NHS: variants seen among roughly 807,000 people sequenced by gnomAD.
NHS encodes the protein NHS actin remodeling regulator.
A neutral mutation model predicts 72.5 loss-of-function variants in NHS; 5 were observed. The observed-to-expected ratio is 0.07, with a 90% CI of 0.04 to 0.14. The LOEUF is 0.14. Among genes scored for constraint, NHS ranks in the 10% least tolerant of loss-of-function variants. The pLI is 1.00. For synonymous variants in NHS, 464 were observed against 547.7 expected (o/e 0.85, Z 2.13); for missense variants, 1,072 against 1,355.7 (o/e 0.79, Z 3.29).
In NHS at chrX:17,727,281, A is replaced by G. The variant is rs1405545432; in HGVS notation, c.3175A>G (p.Arg1059Gly). 3.3e-6 allele frequency: 4 copies of G among 1,211,965 alleles called. No homozygotes were observed. The highest frequency in any genetic ancestry group is 4.5e-6 in the Non-Finnish European group (4 of 895,389). The change falls in exon 7 of 9, where the codon AGA becomes GGA. Residue 1059 changes from arginine (R) to glycine (G), a missense_variant. By Grantham distance (125) the Arg-to-Gly change is moderately radical. Transcript: ENST00000676302. Reference sequence around the variant, plus strand: ...CAAAAGAAAACCTAAAGTCCCAGAAAGAAAATCCTCACTACAGCAACCCTC... The same window carrying G: ...CAAAAGAAAACCTAAAGTCCCAGAAGGAAAATCCTCACTACAGCAACCCTC... ...GSKRKPKVPE[R>G]KSSLQQPSLK... is the part of the protein sequence containing the mutation.
chrX:17,464,602 G>A (rs2064863097), intron 1 of NHS, among the ~76,000 whole-genome samples: 2 of 112,505 alleles, frequency 1.8e-5, no homozygotes, highest in Admixed American at 9.3e-5. Context: ...GATAACAGAG[G>A]GAAAATGAAG....
intron 1 of NHS, among the ~76,000 whole-genome samples, chrX:17,646,610 GC>G (rs2065906958): frequency 8.9e-6 from 1 of 111,901 alleles, no homozygotes; most frequent in South Asian, 3.8e-4. Context: ...GGAGGTCTCA[GC>G]CTAGAGCCTT....
chrX:17,607,338 G>T (rs994334133), intron 1 of NHS, among the ~76,000 whole-genome samples: 1 of 111,996 alleles, frequency 8.9e-6, no homozygotes, highest in East Asian at 2.8e-4. Flanking sequence ...AAGCACTGTA[G>T]TGACTGCCAA....
At chrX:17,657,479 G>T (rs1205275779) in intron 1 of NHS, among the ~76,000 whole-genome samples, 3 of 112,537 alleles carry the variant, frequency 2.7e-5, no homozygotes, top group African/African-American at 9.7e-5. Context: ...TAGAGGGGTG[G>T]GGTCTCCGTT....
intron 1 of NHS, among the ~76,000 whole-genome samples, chrX:17,655,426 C>T (rs1456659914): frequency 1.8e-5 from 2 of 112,651 alleles, no homozygotes; most frequent in Admixed American, 9.3e-5. Flanking sequence ...CCTCCGCAGC[C>T]TCCGGCTTGT....
At chrX:17,507,724 A>G (rs958610685) in intron 1 of NHS, among the ~76,000 whole-genome samples, 3 of 112,012 alleles carry the variant, frequency 2.7e-5, no homozygotes, top group African/African-American at 6.5e-5. Flanking sequence ...CAAAACTGCT[A>G]AAGGGTTTTG....
intron 1 of NHS, among the ~76,000 whole-genome samples, chrX:17,505,817 G>T (rs1163677286): frequency 1.8e-5 from 2 of 111,002 alleles, no homozygotes; most frequent in African/African-American, 6.6e-5. Flanking sequence ...GGATATGTGT[G>T]TGTATGAGTG....
intron 3 of NHS, among the ~76,000 whole-genome samples, chrX:17,717,962 C>A (rs749449948): frequency 1.8e-5 from 2 of 112,028 alleles, no homozygotes; most frequent in Non-Finnish European, 3.8e-5. Context: ...TAAAACATAA[C>A]AAAGTTACAG....
At chrX:17,387,426 G>C (rs2064416514) in intron 1 of NHS, among the ~76,000 whole-genome samples, 1 of 111,584 alleles carries the variant, frequency 9.0e-6, no homozygotes, top group Non-Finnish European at 1.9e-5. Context: ...TTGGCATGTT[G>C]GTCACAGAAT....
intron 1 of NHS, among the ~76,000 whole-genome samples, chrX:17,461,593 G>T (rs1356534952): frequency 8.9e-6 from 1 of 112,992 alleles, no homozygotes; most frequent in Non-Finnish European, 1.9e-5. Flanking sequence ...AGTAAGAATG[G>T]TACATGGAAC....
chrX:17,652,129 C>T (rs1204437055), intron 1 of NHS, among the ~76,000 whole-genome samples: 2 of 112,417 alleles, frequency 1.8e-5, no homozygotes, highest in African/African-American at 6.5e-5. Flanking sequence ...GCCAGCAAAG[C>T]CTAAAATACT....
intron 1 of NHS, among the ~76,000 whole-genome samples, chrX:17,632,119 T>G (rs2065824054): frequency 8.9e-6 from 1 of 112,160 alleles, no homozygotes; most frequent in South Asian, 3.7e-4. Context: ...TGGGTACAGT[T>G]TTTTAAATGA....
chrX:17,379,730 G>A (rs773978937), intron 1 of NHS, among the ~76,000 whole-genome samples: 11 of 112,068 alleles, frequency 9.8e-5, no homozygotes, highest in Admixed American at 8.5e-4. Flanking sequence ...AGCCAAGATC[G>A]CGCCATTGCA....
At chrX:17,508,559 C>T (rs1025667570) in intron 1 of NHS, among the ~76,000 whole-genome samples, 2 of 111,666 alleles carry the variant, frequency 1.8e-5, no homozygotes, top group African/African-American at 6.5e-5. Flanking sequence ...CAACCTCCAC[C>T]TCCCAGGCTC....
intron 1 of NHS, among the ~76,000 whole-genome samples, chrX:17,379,161 T>C (rs1328566160): frequency 9.2e-6 from 1 of 109,082 alleles, no homozygotes; most frequent in Non-Finnish European, 1.9e-5. Context: ...TGCTATTTCA[T>C]CCTTGGACAG....
chrX:17,555,573 G>A (rs1277617677), intron 1 of NHS, among the ~76,000 whole-genome samples: 1 of 111,802 alleles, frequency 8.9e-6, no homozygotes, highest in Admixed American at 9.5e-5. Flanking sequence ...GCCAAGTGCT[G>A]TTCCTCTCTC....
At chrX:17,630,277 C>T (rs772245300) in intron 1 of NHS, among the ~76,000 whole-genome samples, 3 of 104,232 alleles carry the variant, frequency 2.9e-5, no homozygotes, top group East Asian at 6.0e-4. Flanking sequence ...CAATCTCATC[C>T]GAAACCCTTC....
chrX:17,532,063 A>T (rs1206713027), intron 1 of NHS, among the ~76,000 whole-genome samples: 1 of 110,968 alleles, frequency 9.0e-6, no homozygotes, highest in Non-Finnish European at 1.9e-5. Flanking sequence ...CACCCAACAA[A>T]TATTTGTTGG....
At chrX:17,508,655 A>G (rs191279296) in intron 1 of NHS, among the ~76,000 whole-genome samples, 27 of 111,263 alleles carry the variant, frequency 2.4e-4, no homozygotes, top group African/African-American at 8.8e-4. Flanking sequence ...TGTTTTTAGT[A>G]GACGGGGTTT....
Sources: gnomAD v4.1 joint callset for allele counts (sites outside exome capture counted in the v4.1 genomes callset) on GRCh38, gnomAD v4.1.1 for gene constraint, MANE v1.5 for transcripts, NCBI Gene and HGNC (gene_info 2026-07-23, HGNC 2026-07-21) for gene names.